Variants in EXOC1 observed in about 807,000 individuals in gnomAD.
EXOC1 encodes the protein exocyst complex component 1, also known as SEC3-like 1.
EXOC1 carries 67 observed loss-of-function variants against 107.7 expected under a neutral mutation model. The observed-to-expected ratio is 0.62, with a 90% CI of 0.51 to 0.76. The LOEUF is 0.76. EXOC1 is among the 30% of genes least tolerant of loss of function. EXOC1 has a pLI of 0.00. For synonymous variants in EXOC1, 348 were observed against 353.5 expected (o/e 0.98, Z 0.17); for missense variants, 833 against 1,055.7 (o/e 0.79, Z 2.92).
In EXOC1 at chr4:55,868,436, A is replaced by T. The variant is rs1471907171; in HGVS notation, c.516A>T (p.Glu172Asp). The T allele has an allele frequency of 6.2e-7, 1 of 1,613,728 alleles. No individual in the cohort carries two copies. The highest frequency in any genetic ancestry group is 1.7e-5 in the Admixed American group (1 of 59,972). The change falls in exon 5 of 19, where the codon GAA becomes GAT. Residue 172 changes from glutamate (E) to aspartate (D), a missense_variant. This residue lies in a region of EXOC1 where 617 missense variants were observed against 701.3 expected (regional missense o/e 0.88). Coordinates refer to ENST00000381295, the MANE Select transcript of EXOC1 (RefSeq NM_001024924.2). ...ELNAREEQDI[E>D]IMMEGCEYAI... The stretch of plus-strand genomic sequence containing the variant: ...ATGCAAGAGAAGAACAGGATATCGA[A>T]ATAATGATGGAAGGCTGTGAATATG...
At chr4:55,868,303 G>A in intron 4 of EXOC1, 33 bp from the exon 5 acceptor site, 1 of 1,559,428 alleles carries the variant, frequency 6.4e-7, no homozygotes, top group African/African-American at 1.4e-5. Flanking sequence ...CTACTTTTTT[G>A]ACTATTTTAC....
intron 2 of EXOC1, among the ~76,000 whole-genome samples, chr4:55,859,551 C>G (rs575163211): frequency 6.6e-6 from 1 of 151,788 alleles, no homozygotes; most frequent in African/African-American, 2.4e-5. Flanking sequence ...TGATATTTTT[C>G]TTCCTTCCTT....
intron 9 of EXOC1, 25 bp downstream of exon 9, chr4:55,878,091 A>G: frequency 1.2e-6 from 2 of 1,607,802 alleles, no homozygotes; most frequent in East Asian, 2.2e-5. Context: ...TCATTTACTC[A>G]CTGAGAATAG....
At chr4:55,882,439 A>G (rs767108447) in intron 9 of EXOC1, among the ~76,000 whole-genome samples, 3 of 152,236 alleles carry the variant, frequency 2.0e-5, no homozygotes, top group Non-Finnish European at 4.4e-5. Context: ...AGTGCCAGGA[A>G]AAAAGGTATC....
rs1722469782 is a variant in EXOC1, at chr4:55,871,830, A to G, written c.965-19A>G. 2 of 1,608,454 alleles carry G rather than the reference A, an allele frequency of 1.2e-6. No homozygotes were observed. Among genetic ancestry groups the G allele is most frequent in the East Asian group, 2.2e-5 (1 of 44,820 alleles). On this transcript the variant is annotated intron_variant, in intron 7 of 18. Coordinates refer to ENST00000381295, the MANE Select transcript of EXOC1 (RefSeq NM_001024924.2). ...CTTTTTACCCATTAAACTGGTCACAAAATGTCGTTCTGTGTCAGGCCATGA... is the reference window on the plus strand; with the variant it reads ...CTTTTTACCCATTAAACTGGTCACAGAATGTCGTTCTGTGTCAGGCCATGA...
chr4:55,890,103 A>G (rs1433483778), intron 11 of EXOC1, 120 bp from the exon 12 acceptor site: 16 of 884,400 alleles, frequency 1.8e-5, no homozygotes, highest in East Asian at 5.1e-5. Context: ...AGATTTGTGC[A>G]CTAACTAATA....
At chr4:55,881,033 G>A (rs1321770250) in intron 9 of EXOC1, among the ~76,000 whole-genome samples, 1 of 152,146 alleles carries the variant, frequency 6.6e-6, no homozygotes, top group African/African-American at 2.4e-5. Flanking sequence ...CACTTGGTTA[G>A]GTTTACACAG....
At chr4:55,893,951 T>TA (rs1724882465) in intron 15 of EXOC1, among the ~76,000 whole-genome samples, 171 bp downstream of exon 15, 1 of 152,192 alleles carries the variant, frequency 6.6e-6, no homozygotes, top group African/African-American at 2.4e-5. Flanking sequence ...TGGGTGGCAC[T>TA]ATGCCAGCTA....
At chr4:55,862,066 CA>C (rs987008026) in intron 3 of EXOC1, among the ~76,000 whole-genome samples, 3 of 149,982 alleles carry the variant, frequency 2.0e-5, no homozygotes, top group African/African-American at 4.9e-5. Context: ...CAAAAAAAAA[CA>C]AAAAAAAACT....
At chr4:55,877,517 T>C in intron 8 of EXOC1, 1 of 985,022 alleles carries the variant, frequency 1.0e-6, no homozygotes, top group Non-Finnish European at 1.2e-6. Flanking sequence ...ATACCATAAA[T>C]GTAGACTGTT....
intron 2 of EXOC1, 107 bp from the exon 3 acceptor site, chr4:55,860,304 T>A: frequency 7.1e-7 from 1 of 1,402,400 alleles, no homozygotes; most frequent in Admixed American, 1.9e-5. Flanking sequence ...ATTACACCTC[T>A]TTTAGTATCA....
Position 55,858,313 on chromosome 4 carries a change from G to A in EXOC1, c.-10-1G>A, listed in dbSNP as rs1406898546. On this transcript the variant is annotated splice_acceptor_variant, in intron 1 of 18. Coordinates refer to ENST00000381295, the MANE Select transcript of EXOC1 (RefSeq NM_001024924.2). LOFTEE classifies it low-confidence loss of function (5UTR_SPLICE). ...TAATATCTATACTCCACATTTTTCA[G>A]CTGAGAAAAGATGACAGCAATCAAG... 7.5e-6 allele frequency: 12 copies of A among 1,600,338 alleles called. 1 individual carries two copies. Among genetic ancestry groups the A allele is most frequent in the Middle Eastern group, 1.7e-4 (1 of 6,006 alleles).
chr4:55,858,279 G>T, intron 1 of EXOC1, 35 bp from the exon 2 acceptor site: 1 of 1,538,358 alleles, frequency 6.5e-7, no homozygotes, highest in South Asian at 1.3e-5. Context: ...ATGATGTTGA[G>T]GGTGAGCTTA....
rs1402592953 is a variant in EXOC1, at chr4:55,892,692, C to T, written c.1705C>T (p.Pro569Ser). 15 of 1,614,042 alleles carry T rather than the reference C, an allele frequency of 9.3e-6. No homozygotes were observed. The highest frequency in any genetic ancestry group is 1.3e-5 in the Non-Finnish European group (15 of 1,179,956). Reference protein sequence around the residue: ...TLSRQHNCGTPLPVSSEKDMI... With the variant: ...TLSRQHNCGTSLPVSSEKDMI... ...ATCACGGCAACATAATTGTGGCACA[C>T]CACTGCCTGTTTCATCTGAGTATGT... The change falls in exon 14 of 19, where the codon CCA (proline) becomes TCA (serine). Residue 569 changes from proline (P) to serine (S), a missense_variant. Pro to Ser is a moderately conservative substitution (Grantham distance 74). This residue lies in a region of EXOC1 where 617 missense variants were observed against 701.3 expected (regional missense o/e 0.88). Transcript: ENST00000381295.
chr4:55,854,874 T>G (rs1306423749), intron 1 of EXOC1, among the ~76,000 whole-genome samples: 1 of 152,140 alleles, frequency 6.6e-6, no homozygotes, highest in African/African-American at 2.4e-5. Flanking sequence ...TGAACATCCC[T>G]CCCTTCTTTA....
intron 4 of EXOC1, among the ~76,000 whole-genome samples, chr4:55,865,565 C>T (rs529363652): frequency 3.3e-5 from 5 of 152,196 alleles, no homozygotes; most frequent in Admixed American, 2.0e-4. Context: ...TAATTTGCTT[C>T]GAATGGCTTT....
intron 11 of EXOC1, 151 bp from the exon 12 acceptor site, chr4:55,890,072 A>C (rs552195992): frequency 4.4e-6 from 3 of 677,116 alleles, no homozygotes; most frequent in African/African-American, 3.6e-5. Context: ...TAAGGAAACT[A>C]TACCACCTAT....
rs1419622264 is a variant in EXOC1 at position 55,853,695 on chromosome 4, T to TA, written c.-269_-268insA. On this transcript the variant is annotated 5_prime_UTR_variant, in exon 1 of 19. Transcript: ENST00000381295. ...TAGGAAGTGTTGGGGGAACGGCCGCTTCCCGTTCAACGCTTTATTGAGGGG... is the reference window on the plus strand; with the variant it reads ...TAGGAAGTGTTGGGGGAACGGCCGCTATCCCGTTCAACGCTTTATTGAGGGG... The TA allele has an allele frequency of 6.6e-6, 1 of 152,264 alleles. No individual in the cohort carries two copies. Among genetic ancestry groups the TA allele is most frequent in the Non-Finnish European group, 1.5e-5 (1 of 68,056 alleles). The allele number at this position is 152,264 out of a possible 1,614,324, so 9.4% of individuals were successfully genotyped here. A position where few individuals can be genotyped will look rare whatever the true frequency, so the allele number is the denominator to read the frequency against.
At chr4:55,872,376 T>A (rs1299425808) in intron 8 of EXOC1, among the ~76,000 whole-genome samples, 1 of 123,456 alleles carries the variant, frequency 8.1e-6, no homozygotes, top group Non-Finnish European at 1.7e-5. Flanking sequence ...GTACATAGTA[T>A]AATTGTTAAG....
Sources: allele counts gnomAD v4.1 joint callset (sites outside exome capture counted in the v4.1 genomes callset), GRCh38; gene constraint gnomAD v4.1.1; regional missense constraint gnomAD v4.1.1; transcripts MANE v1.5; gene names NCBI Gene and HGNC (gene_info 2026-07-23, HGNC 2026-07-21).